NRXN1: variants seen among roughly 807,000 people sequenced by gnomAD.
The protein encoded by NRXN1 is neurexin-1.
NRXN1 carries 39 observed loss-of-function variants against 150.9 expected under a neutral mutation model. The ratio of observed to expected loss-of-function variants is 0.26; its 90% CI spans 0.20 to 0.34. The LOEUF is 0.34. Ranked by LOEUF, NRXN1 falls within the 10% of genes least tolerant of loss-of-function variation. The probability of loss-of-function intolerance (pLI) is 1.00; values close to 1 mark genes in which losing one functional copy is unlikely to be tolerated. For synonymous variants in NRXN1, 924 were observed against 757.0 expected (o/e 1.22, Z -3.62); for missense variants, 1,815 against 1,949.9 (o/e 0.93, Z 1.30).
At chr2:50,382,207 T>C (rs563062300) in intron 17 of NRXN1, among the ~76,000 whole-genome samples, 1 of 152,324 alleles carries the variant, frequency 6.6e-6, no homozygotes, top group South Asian at 2.1e-4. Flanking sequence ...CAATGTCTAC[T>C]ATACAGTAGG....
rs183997152 is a variant in NRXN1 at position 50,893,145 on chromosome 2, T to C, written c.832+28724A>G. Among the ~76,000 whole-genome samples, 82 of 152,294 alleles carry C rather than the reference T, an allele frequency of 5.4e-4. 1 individual carries two copies. The highest frequency in any genetic ancestry group is 1.8e-3 in the African/African-American group (76 of 41,568). ...TCTTTCCTCTTTTATCACTCATAAT[T>C]GCTACCTCCCAACAACTTTTTGTAC... On this transcript the variant is annotated intron_variant, in intron 5 of 22. Coordinates refer to ENST00000401669, the MANE Select transcript of NRXN1 (RefSeq NM_001330078.2).
intron 17 of NRXN1, among the ~76,000 whole-genome samples, chr2:50,459,983 G>A (rs1186195761): frequency 1.3e-5 from 2 of 151,882 alleles, no homozygotes; most frequent in Non-Finnish European, 2.9e-5. Flanking sequence ...TAATGCATTC[G>A]CATGGAAAAA....
At chr2:49,926,592 G>T (rs562420106) in intron 22 of NRXN1, among the ~76,000 whole-genome samples, 5 of 152,094 alleles carry the variant, frequency 3.3e-5, no homozygotes, top group Admixed American at 2.0e-4. Flanking sequence ...ACTACTAAAG[G>T]CATATTCTAG....
intron 2 of NRXN1, among the ~76,000 whole-genome samples, chr2:50,973,396 G>A (rs1400214189): frequency 1.3e-5 from 2 of 152,002 alleles, no homozygotes; most frequent in East Asian, 1.9e-4. Context: ...TTCTAATTAC[G>A]GTATCTATAT....
intron 5 of NRXN1, among the ~76,000 whole-genome samples, chr2:50,717,278 T>C (rs186053384): frequency 6.6e-6 from 1 of 152,244 alleles, no homozygotes; most frequent in Admixed American, 6.5e-5. Context: ...AAATTCTAAT[T>C]ATCAAGGGAG....
At chr2:50,967,420 A>C (rs1246306389) in intron 2 of NRXN1, among the ~76,000 whole-genome samples, 6 of 152,004 alleles carry the variant, frequency 3.9e-5, no homozygotes, top group African/African-American at 1.4e-4. Context: ...AAAGCCACCT[A>C]AATTAAATCC....
chr2:50,830,283 G>A (rs1671233910), intron 5 of NRXN1, among the ~76,000 whole-genome samples: 1 of 151,952 alleles, frequency 6.6e-6, no homozygotes, highest in African/African-American at 2.4e-5. Flanking sequence ...GGTGAGGTAG[G>A]CCCAAACTAC....
intron 5 of NRXN1, chr2:50,898,620 G>C: frequency 4.2e-6 from 2 of 473,136 alleles, no homozygotes; most frequent in South Asian, 3.1e-5. Flanking sequence ...ATTCTATGAG[G>C]TTATCATTCA....
At chr2:50,705,825 C>G (rs1694352847) in intron 5 of NRXN1, among the ~76,000 whole-genome samples, 1 of 152,112 alleles carries the variant, frequency 6.6e-6, no homozygotes, top group African/African-American at 2.4e-5. Flanking sequence ...GTTGATTGGC[C>G]TATGGCCCAT....
rs1481378650 is a variant in NRXN1 at position 50,506,518 on chromosome 2, A to T, written c.2474T>A (p.Val825Glu). The T allele has an allele frequency of 6.2e-7, 1 of 1,612,940 alleles. No individual in the cohort carries two copies. The highest frequency in any genetic ancestry group is 8.5e-7 in the Non-Finnish European group (1 of 1,179,422). Residue 825 changes from valine to glutamate, a missense_variant, in exon 13 of 23, where the codon GTG becomes GAG. Physicochemically the swap from Val to Glu is moderately radical, Grantham distance 121. This residue lies in a region of NRXN1 where 638 missense variants were observed against 652.6 expected (regional missense o/e 0.98). Transcript: ENST00000401669. ...ACCTGTCATGGCCTGTTGGTCATCC[A>T]CTGTTAACTTTAAACTTTTTCCACG... ...VRRGKSLKLT[V>E]DDQQAMTGQM...
chr2:49,939,456 C>T (rs1671599964), intron 22 of NRXN1, among the ~76,000 whole-genome samples: 1 of 152,154 alleles, frequency 6.6e-6, no homozygotes, highest in Non-Finnish European at 1.5e-5. Context: ...ATTCTGAAGC[C>T]ATCCTTTTGT....
intron 5 of NRXN1, among the ~76,000 whole-genome samples, chr2:50,861,254 T>C (rs1412540163): frequency 6.6e-6 from 1 of 152,078 alleles, no homozygotes; most frequent in African/African-American, 2.4e-5. Context: ...TCTCTGTCTC[T>C]CAACCTGGAG....
chr2:49,946,559 A>G (rs998770158), intron 21 of NRXN1, among the ~76,000 whole-genome samples: 4 of 152,102 alleles, frequency 2.6e-5, no homozygotes, highest in Non-Finnish European at 5.9e-5. Context: ...TAATTTTTGT[A>G]TAAGGTGTAA....
In NRXN1 at chr2:50,295,771, T is replaced by C. The variant is rs1414277976; in HGVS notation, c.3365-58801A>G. On this transcript the variant is annotated intron_variant, in intron 17 of 22. Transcript: ENST00000401669. Reference sequence around the variant, plus strand: ...AATTGCTCTTTAAAGAATGAGGAAGTCAGTAGGCATAAGGGAATTTCTCAC... The same window carrying C: ...AATTGCTCTTTAAAGAATGAGGAAGCCAGTAGGCATAAGGGAATTTCTCAC... Among the ~76,000 whole-genome samples the C allele has an allele frequency of 3.3e-5, 5 of 152,158 alleles. No homozygotes were observed. In the East Asian group the frequency reaches 9.6e-4, roughly 29 times the overall value.
rs551017056 is a variant in NRXN1, at chr2:50,905,235, T to C, written c.832+16634A>G. Among the ~76,000 whole-genome samples the C allele has an allele frequency of 4.6e-5, 7 of 152,280 alleles. No homozygotes were observed. In the East Asian group the frequency reaches 1.4e-3, roughly 30 times the overall value. On this transcript the variant is annotated intron_variant, in intron 5 of 22. Transcript: ENST00000401669. ...GAATTCACTCTGCCATTAAGATGTC[T>C]TTTTAAAGTGGGACTCTGATAATGG...
chr2:49,942,589 A>ATATTATTAT (rs1553398763), intron 22 of NRXN1, among the ~76,000 whole-genome samples: 4 of 149,202 alleles, frequency 2.7e-5, no homozygotes, highest in African/African-American at 4.9e-5. Context: ...AATGCAAACA[A>ATATTATTAT]TATTATTATT....
chr2:50,512,680 C>T lies in NRXN1; in HGVS notation c.2375-6063G>A, dbSNP rs141873859. Among the ~76,000 whole-genome samples the T allele has an allele frequency of 1.4e-4, 21 of 152,270 alleles. No individual in the cohort carries two copies. In the East Asian group the frequency reaches 3.7e-3, roughly 27 times the overall value. ...TTGAACTTATTTAGGACCTAACATG[C>T]ATTACCTAATTGTCTGGCCAAAGTC... On this transcript the variant is annotated intron_variant, in intron 12 of 22. Coordinates refer to ENST00000401669, the MANE Select transcript of NRXN1 (RefSeq NM_001330078.2).
intron 8 of NRXN1, chr2:50,616,520 A>C (rs146813549): frequency 2.0e-5 from 3 of 152,138 alleles, no homozygotes; most frequent in Non-Finnish European, 4.4e-5. Context: ...AAATGTGTAA[A>C]TTCGTGAGAG....
intron 5 of NRXN1, among the ~76,000 whole-genome samples, chr2:50,655,233 G>T: frequency 6.7e-6 from 1 of 149,944 alleles, no homozygotes. Flanking sequence ...TTTTCCATCT[G>T]TATCTTTCAT....
Sources: gnomAD v4.1 joint callset for allele counts (sites outside exome capture counted in the v4.1 genomes callset) on GRCh38, gnomAD v4.1.1 for gene constraint, gnomAD v4.1.1 regional missense constraint, MANE v1.5 for transcripts, NCBI Gene and HGNC (gene_info 2026-07-23, HGNC 2026-07-21) for gene names.